The following PPFIBP1 variants were observed in gnomAD, a reference collection of about 807,000 sequenced individuals.
The protein encoded by PPFIBP1 is liprin-beta-1.
In PPFIBP1, 112 loss-of-function variants were observed where a neutral mutation model predicts 137.8. The observed-to-expected ratio is 0.81, with a 90% CI of 0.70 to 0.95. The LOEUF (loss-of-function observed/expected upper bound fraction) is 0.95, where lower values mean the gene tolerates loss of function less well. Among genes scored for constraint, PPFIBP1 ranks in the 40% least tolerant of loss-of-function variants. The pLI is 0.00. For synonymous variants in PPFIBP1, 378 were observed against 417.3 expected (o/e 0.91, Z 1.15); for missense variants, 1,083 against 1,196.6 (o/e 0.91, Z 1.40).
chr12:27,612,328 GTTT>G (rs1173958726), intron 2 of PPFIBP1, among the ~76,000 whole-genome samples: 1 of 87,252 alleles, frequency 1.1e-5, no homozygotes, highest in African/African-American at 4.5e-5. Flanking sequence ...CTTTATTGGT[GTTT>G]TTTTTTTTTT....
chr12:27,635,666 G>A (rs1343398787), intron 4 of PPFIBP1: 1 of 156,982 alleles, frequency 6.4e-6, no homozygotes, highest in Non-Finnish European at 1.4e-5. Context: ...CGCTAAGCTT[G>A]TGGGAGTTAT....
intron 1 of PPFIBP1, among the ~76,000 whole-genome samples, chr12:27,527,052 A>G (rs527640353): frequency 1.0e-3 from 159 of 152,246 alleles, no homozygotes; most frequent in African/African-American, 3.6e-3. Context: ...AAATCAGAAC[A>G]AGGTCATTTT....
At chr12:27,649,726 T>A (rs576235935) in intron 6 of PPFIBP1, among the ~76,000 whole-genome samples, 1 of 152,184 alleles carries the variant, frequency 6.6e-6, no homozygotes, top group Admixed American at 6.5e-5. Context: ...AATTTTTGTA[T>A]TTTTAGTAGA....
chr12:27,583,472 A>G lies in PPFIBP1; in HGVS notation c.-36+5233A>G, dbSNP rs1407185043. 2.6e-5 allele frequency among the ~76,000 whole-genome samples: 4 copies of G among 152,166 alleles called. No homozygotes were observed. In the East Asian group the frequency reaches 7.7e-4, roughly 29 times the overall value. The stretch of plus-strand genomic sequence containing the variant: ...ATTTAAATTGTCTTATTTTTGATAA[A>G]TTTTTAGAAATTAAAGAATGCATTA... On this transcript the variant is annotated intron_variant, in intron 2 of 29. Transcript: ENST00000228425.
At chr12:27,536,452 CTTG>C in intron 1 of PPFIBP1, among the ~76,000 whole-genome samples, 1 of 152,280 alleles carries the variant, frequency 6.6e-6, no homozygotes, top group East Asian at 1.9e-4. Flanking sequence ...GGGGAACCAG[CTTG>C]TCACACGGTG....
rs2060877023 is a variant in PPFIBP1 at position 27,681,582 on chromosome 12, G to A, written c.1932G>A (p.Glu644=). 1 of 1,614,134 alleles carries A rather than the reference G, an allele frequency of 6.2e-7. No individual in the cohort carries two copies. Among genetic ancestry groups the A allele is most frequent in the East Asian group, 2.2e-5 (1 of 44,882 alleles). ...LDMPFAKWTK[E]QVCNWLMEQG... ...TGCCATTTGCCAAGTGGACCAAGGA[G>A]CAGGTTTGCAATTGGCTGATGGAAC... Residue 644 remains glutamate, a synonymous_variant, in exon 22 of 30, where the codon GAG becomes GAA. Coordinates refer to ENST00000228425, the MANE Select transcript of PPFIBP1 (RefSeq NM_003622.4).
intron 1 of PPFIBP1, among the ~76,000 whole-genome samples, chr12:27,541,963 C>T (rs1945725705): frequency 6.6e-6 from 1 of 152,054 alleles, no homozygotes. Flanking sequence ...TGGAGTCAGA[C>T]ATATCTTGAC....
At chr12:27,625,974 A>G (rs1000861024) in intron 2 of PPFIBP1, among the ~76,000 whole-genome samples, 1 of 152,146 alleles carries the variant, frequency 6.6e-6, no homozygotes, top group African/African-American at 2.4e-5. Context: ...CAATATAGCC[A>G]GACCCCATTT....
chr12:27,618,867 T>G (rs2056051290), intron 2 of PPFIBP1, among the ~76,000 whole-genome samples: 1 of 152,148 alleles, frequency 6.6e-6, no homozygotes, highest in Admixed American at 6.5e-5. Flanking sequence ...TAAGAGTGGG[T>G]CTTTAGTCCT....
chr12:27,542,095 C>T (rs765094400), intron 1 of PPFIBP1, among the ~76,000 whole-genome samples: 10 of 152,130 alleles, frequency 6.6e-5, no homozygotes, highest in Non-Finnish European at 1.0e-4. Flanking sequence ...ATGGTAGACC[C>T]TCTGGATCTG....
intron 8 of PPFIBP1, among the ~76,000 whole-genome samples, chr12:27,656,029 C>T (rs1411106491): frequency 2.6e-5 from 4 of 152,186 alleles, no homozygotes; most frequent in Admixed American, 6.5e-5. Context: ...GCTCCACTAT[C>T]TGTTTTCGAA....
chr12:27,688,231 A>C, intron 25 of PPFIBP1, 67 bp from the exon 26 acceptor site: 1 of 1,558,598 alleles, frequency 6.4e-7, no homozygotes, highest in South Asian at 1.2e-5. Flanking sequence ...ACTGTACTCC[A>C]TGGAGCAGAC....
In PPFIBP1 at chr12:27,656,725, A is replaced by T. The variant is rs1363601751; in HGVS notation, c.806A>T (p.Asp269Val). The change falls in exon 9 of 30, where the codon GAT becomes GTT. Residue 269 changes from aspartate to valine, a missense_variant. Asp to Val is a radical substitution (Grantham distance 152). Coordinates refer to ENST00000228425, the MANE Select transcript of PPFIBP1 (RefSeq NM_003622.4). ...AAAGGAGAAGGGGTTGAAATTGTTG[A>T]TAGAGGTAAGAAGATATATTTCACA... ...KMKGEGVEIV[D>V]RDENFKKKLK... is the part of the protein sequence containing the mutation. 1.3e-6 allele frequency: 2 copies of T among 1,587,032 alleles called. No individual in the cohort carries two copies. The highest frequency in any genetic ancestry group is 1.7e-6 in the Non-Finnish European group (2 of 1,155,932).
intron 1 of PPFIBP1, among the ~76,000 whole-genome samples, chr12:27,536,690 C>T (rs369317452): frequency 2.0e-5 from 3 of 152,194 alleles, no homozygotes; most frequent in East Asian, 1.9e-4. Flanking sequence ...CATATCACAT[C>T]GTTCTCCTCT....
chr12:27,545,791 CG>C (rs1312323500), intron 1 of PPFIBP1, among the ~76,000 whole-genome samples: 3 of 152,186 alleles, frequency 2.0e-5, no homozygotes, highest in Non-Finnish European at 4.4e-5. Context: ...TTCCTAGGAA[CG>C]GTTAGTGTGT....
chr12:27,655,720 C>T (rs1235444310), intron 8 of PPFIBP1, among the ~76,000 whole-genome samples: 2 of 152,216 alleles, frequency 1.3e-5, no homozygotes, highest in Admixed American at 1.3e-4. Context: ...CACTCTGCTC[C>T]TACCAGAAGT....
intron 1 of PPFIBP1, among the ~76,000 whole-genome samples, chr12:27,549,875 G>A (rs1946595610): frequency 6.6e-6 from 1 of 152,280 alleles, no homozygotes; most frequent in Middle Eastern, 3.4e-3. Context: ...CTATTTGGCT[G>A]TTTTGAAGGC....
intron 24 of PPFIBP1, among the ~76,000 whole-genome samples, chr12:27,685,360 G>T (rs1021134528): frequency 6.6e-6 from 1 of 151,792 alleles, no homozygotes; most frequent in African/African-American, 2.4e-5. Context: ...ATGTATAAAG[G>T]AAGGAATCGA....
rs61042369 is a variant in PPFIBP1 at position 27,675,942 on chromosome 12, A to G, written c.1411-486A>G. On this transcript the variant is annotated intron_variant, in intron 17 of 29. Transcript: ENST00000228425. ...AATAGAATCTCCTTATACTGCTGGT[A>G]TAGAAGTTTGAACTAATGCCTGCTT... Among the ~76,000 whole-genome samples the G allele has an allele frequency of 1.5e-3, 228 of 152,344 alleles. 1 individual carries two copies. The highest frequency in any genetic ancestry group is 5.0e-3 in the African/African-American group (210 of 41,586).
Sources: allele counts gnomAD v4.1 joint callset (sites outside exome capture counted in the v4.1 genomes callset), GRCh38; gene constraint gnomAD v4.1.1; transcripts MANE v1.5; gene names NCBI Gene and HGNC (gene_info 2026-07-23, HGNC 2026-07-21).